The following ZNF250 variants were observed in gnomAD, a reference collection of about 807,000 sequenced individuals.
ZNF250 encodes the protein zinc finger protein (clone 647).
ZNF250 carries 13 observed loss-of-function variants against 37.1 expected under a neutral mutation model. The ratio of observed to expected loss-of-function variants is 0.35; its 90% CI spans 0.23 to 0.56. The LOEUF (loss-of-function observed/expected upper bound fraction) is 0.56, where lower values mean the gene tolerates loss of function less well. Ranked by LOEUF, ZNF250 falls within the 20% of genes least tolerant of loss-of-function variation. The pLI is 0.87. For missense variants in ZNF250, 474 were observed against 697.9 expected (o/e 0.68, Z 3.61); for synonymous variants, 251 against 265.6 (o/e 0.94, Z 0.54).
In ZNF250 at chr8:144,890,102, G is replaced by A. The variant is rs532947091; in HGVS notation, c.43-43C>T. 6 of 1,598,892 alleles carry A rather than the reference G, an allele frequency of 3.8e-6. No individual in the cohort carries two copies. Among genetic ancestry groups the A allele is most frequent in the South Asian group, 1.1e-5 (1 of 88,790 alleles). Reference sequence around the variant, plus strand: ...GCTGCAGGTAAAACCAAATCCTGATGTCTGTGATGGGGAGTGGGTGCATGT... The same window carrying A: ...GCTGCAGGTAAAACCAAATCCTGATATCTGTGATGGGGAGTGGGTGCATGT... On this transcript the variant is annotated intron_variant, in intron 2 of 5. Transcript: ENST00000417550. This position sits in a 1 kb window ranked among gnomAD's most constrained non-coding sequence, Gnocchi z 5.1.
At chr8:144,892,612 C>T (rs141843265) in intron 1 of ZNF250, among the ~76,000 whole-genome samples, 4 of 151,568 alleles carry the variant, frequency 2.6e-5, no homozygotes, top group African/African-American at 9.7e-5. Context: ...TGGAATGCAA[C>T]GGCGAGATCT....
intron 5 of ZNF250, among the ~76,000 whole-genome samples, chr8:144,883,795 G>T (rs1418240410): frequency 6.6e-6 from 1 of 152,176 alleles, no homozygotes; most frequent in Non-Finnish European, 1.5e-5. Context: ...GGGAAAGGCA[G>T]GGGTGGAGAC....
chr8:144,889,787 G>T, intron 3 of ZNF250, 93 bp from the exon 4 acceptor site: 1 of 1,464,904 alleles, frequency 6.8e-7, no homozygotes, highest in Non-Finnish European at 9.2e-7. Flanking sequence ...AAATGGACAG[G>T]ACTGATCTTC....
At chr8:144,899,580 G>A (rs1017357158) in intron 1 of ZNF250, among the ~76,000 whole-genome samples, 1 of 152,004 alleles carries the variant, frequency 6.6e-6, no homozygotes, top group Non-Finnish European at 1.5e-5. Flanking sequence ...ATGTGGGAAG[G>A]GCTGTTCTAA....
chr8:144,896,087 T>G (rs1014196353), intron 1 of ZNF250, among the ~76,000 whole-genome samples: 1 of 150,254 alleles, frequency 6.7e-6, no homozygotes, highest in Admixed American at 6.6e-5. Context: ...TGGCTGGGCA[T>G]GGTGACTCAC....
chr8:144,882,676 G>A lies in ZNF250; in HGVS notation c.507C>T (p.His169=). 2 of 1,614,026 alleles carry A rather than the reference G, an allele frequency of 1.2e-6. No homozygotes were observed. The highest frequency in any genetic ancestry group is 1.7e-6 in the Non-Finnish European group (2 of 1,179,898). ...SFCLSPNSVD[H]REVQVLSQSM... ...TTTGGCTTAAGACCTGAACTTCACG[G>A]TGGTCAACAGAGTTTGGACTCAGAC... Residue 169 remains histidine, a synonymous_variant, in exon 6 of 6, where the codon CAC becomes CAT. Transcript: ENST00000417550. This position sits in a 1 kb window ranked among gnomAD's most constrained non-coding sequence, Gnocchi z 5.5.
At chr8:144,889,118 A>T (rs1167647315) in intron 4 of ZNF250, among the ~76,000 whole-genome samples, 1 of 152,240 alleles carries the variant, frequency 6.6e-6, no homozygotes, top group Non-Finnish European at 1.5e-5. Flanking sequence ...TTATATGGAC[A>T]TGGGGATGGC....
rs779183500 is a variant in ZNF250, at chr8:144,886,882, T to C, written c.304A>G (p.Thr102Ala). The C allele has an allele frequency of 2.0e-5, 33 of 1,613,650 alleles. No homozygotes were observed. The highest frequency in any genetic ancestry group is 2.8e-5 in the Non-Finnish European group (33 of 1,179,694). Residue 102 changes from threonine (T) to alanine (A), a missense_variant, in exon 5 of 6, where the codon ACT becomes GCT. Thr to Ala is a moderately conservative substitution (Grantham distance 58). Around this residue, in one of 2 missense-constraint regions of ZNF250, gnomAD observed 192 missense variants for 227.5 expected, o/e 0.84. Transcript: ENST00000417550. ...DYSDNLKYDH[T>A]TACTQQDSLS... ...CTGTCTTGTTGTGTACAGGCTGTAG[T>C]GTGGTCATATTTGAGGTTGTCTGGA... is the stretch of plus-strand genomic sequence containing the variant.
At chr8:144,888,228 CT>C (rs1344121924) in intron 4 of ZNF250, among the ~76,000 whole-genome samples, 2 of 152,154 alleles carry the variant, frequency 1.3e-5, no homozygotes, top group Non-Finnish European at 2.9e-5. Flanking sequence ...TTCTTGGATG[CT>C]TTATATTCCT....
Position 144,890,547 on chromosome 8 carries a change from T to C in ZNF250, c.-54-144A>G, listed in dbSNP as rs1021145814. The C allele has an allele frequency of 3.6e-5, 17 of 472,214 alleles. No individual in the cohort carries two copies. The highest frequency in any genetic ancestry group is 2.2e-4 in the Admixed American group (6 of 27,450). 29.3% of individuals were successfully genotyped at this position (472,214 alleles called of 1,614,324 possible). ...GCAAGGAGCTGCTACTGTTGCAGCC[T>C]TGGTCTGCCTTGCCTCCCCCATGAA... On this transcript the variant is annotated intron_variant, in intron 1 of 5. Coordinates refer to ENST00000417550, the MANE Select transcript of ZNF250 (RefSeq NM_001109689.4). This position sits in a 1 kb window ranked among gnomAD's most constrained non-coding sequence, Gnocchi z 5.1.
chr8:144,896,316 C>A (rs1832717890), intron 1 of ZNF250, among the ~76,000 whole-genome samples: 1 of 151,870 alleles, frequency 6.6e-6, no homozygotes, highest in Non-Finnish European at 1.5e-5. Flanking sequence ...CACTACACTC[C>A]ACCCTGGGCA....
chr8:144,895,893 CA>C (rs1202332142), intron 1 of ZNF250, among the ~76,000 whole-genome samples: 1 of 151,262 alleles, frequency 6.6e-6, no homozygotes, highest in Non-Finnish European at 1.5e-5. Flanking sequence ...CCTGTAATCC[CA>C]GCTACTCAGG....
chr8:144,895,390 G>C (rs1395995181), intron 1 of ZNF250, among the ~76,000 whole-genome samples: 2 of 152,150 alleles, frequency 1.3e-5, no homozygotes, highest in East Asian at 3.9e-4. Flanking sequence ...TGGTTCACCT[G>C]CCTCACTTGG....
At chr8:144,887,038 G>C (rs1481808499) in intron 4 of ZNF250, 136 bp from the exon 5 acceptor site, 2 of 691,448 alleles carry the variant, frequency 2.9e-6, no homozygotes, top group Non-Finnish European at 5.2e-6. Flanking sequence ...CTTGAGGTCA[G>C]AAGTTTGAGA....
rs1180273654 is a variant in ZNF250 at position 144,878,812 on chromosome 8, G to T, written c.*2703C>A. On this transcript the variant is annotated 3_prime_UTR_variant, in exon 6 of 6. Coordinates refer to ENST00000417550, the MANE Select transcript of ZNF250 (RefSeq NM_001109689.4). ...TTACCTCAATGATCTAATCTCTAAA[G>T]TAATACCTTAGTGATCCCATTTCCG... 6.6e-6 allele frequency: 1 copy of T among 152,154 alleles called. No individual in the cohort carries two copies. The highest frequency in any genetic ancestry group is 2.4e-5 in the African/African-American group (1 of 41,424). 9.4% of individuals were successfully genotyped at this position (152,154 alleles called of 1,614,324 possible).
In ZNF250 at chr8:144,882,931, A is replaced by G; in HGVS notation, c.347-95T>C. 1.4e-6 allele frequency: 2 copies of G among 1,385,808 alleles called. No homozygotes were observed. Among genetic ancestry groups the G allele is most frequent in the Non-Finnish European group, 2.0e-6 (2 of 1,012,606 alleles). The allele number at this position is 1,385,808 out of a possible 1,614,324, so 85.8% of individuals were successfully genotyped here. On this transcript the variant is annotated intron_variant, in intron 5 of 5. Coordinates refer to ENST00000417550, the MANE Select transcript of ZNF250 (RefSeq NM_001109689.4). This position sits in a 1 kb window ranked among gnomAD's most constrained non-coding sequence, Gnocchi z 5.5. Reference sequence around the variant, plus strand: ...CTGGCCTTGCTGATGAAGGTGCAAAATCCCTCAATGCACACGTTGGTGTGA... The same window carrying G: ...CTGGCCTTGCTGATGAAGGTGCAAAGTCCCTCAATGCACACGTTGGTGTGA...
Position 144,890,200 on chromosome 8 carries a change from T to A in ZNF250, c.42+108A>T, listed in dbSNP as rs1247668648. On this transcript the variant is annotated intron_variant, in intron 2 of 5. Coordinates refer to ENST00000417550, the MANE Select transcript of ZNF250 (RefSeq NM_001109689.4). This position sits in a 1 kb window ranked among gnomAD's most constrained non-coding sequence, Gnocchi z 5.1. ...TGGGTGATGGGAAGGGGCCGCGGAG[T>A]TCAGGGCATGTGGTGACGCTCTGGC... The A allele has an allele frequency of 6.7e-7, 1 of 1,497,236 alleles. No homozygotes were observed. The highest frequency in any genetic ancestry group is 2.4e-5 in the East Asian group (1 of 40,934). The allele number at this position is 1,497,236 out of a possible 1,614,324, so 92.7% of individuals were successfully genotyped here. A position where few individuals can be genotyped will look rare whatever the true frequency, so the allele number is the denominator to read the frequency against.
rs1010889396 is a variant in ZNF250, at chr8:144,877,072, T to C, written c.*4443A>G. The C allele has an allele frequency of 7.2e-5, 11 of 152,252 alleles. No homozygotes were observed. Among genetic ancestry groups the C allele is most frequent in the Admixed American group, 2.6e-4 (4 of 15,288 alleles). The allele number at this position is 152,252 out of a possible 1,614,324, so 9.4% of individuals were successfully genotyped here. On this transcript the variant is annotated 3_prime_UTR_variant, in exon 6 of 6. Coordinates refer to ENST00000417550, the MANE Select transcript of ZNF250 (RefSeq NM_001109689.4). Reference sequence around the variant, plus strand: ...AGAGAACCAAGTTTCAAATTCTTAATAGCTGTTAGAAGAAACAATTTTAAA... The same window carrying C: ...AGAGAACCAAGTTTCAAATTCTTAACAGCTGTTAGAAGAAACAATTTTAAA...
chr8:144,882,264 C>T lies in ZNF250; in HGVS notation c.919G>A (p.Val307Met). Residue 307 changes from valine to methionine, a missense_variant, in exon 6 of 6, where the codon GTG (valine) becomes ATG (methionine). Physicochemically the swap from Val to Met is conservative, Grantham distance 21. This residue lies in a region of ZNF250 where 282 missense variants were observed against 470.4 expected (regional missense o/e 0.60). Coordinates refer to ENST00000417550, the MANE Select transcript of ZNF250 (RefSeq NM_001109689.4). The surrounding 1 kb of genome is among the most constrained non-coding windows in gnomAD (Gnocchi z 5.5). ...QRIHTGERPY[V>M]CPLCGKAFNH... is the part of the protein sequence containing the mutation. ...AAGGCTTTCCCACACAACGGACACA[C>T]ATATGGCCTTTCTCCCGTGTGGATC... The T allele has an allele frequency of 6.2e-7, 1 of 1,614,040 alleles. No individual in the cohort carries two copies. Among genetic ancestry groups the T allele is most frequent in the Non-Finnish European group, 8.5e-7 (1 of 1,179,944 alleles).
Sources: allele counts gnomAD v4.1 joint callset (sites outside exome capture counted in the v4.1 genomes callset), GRCh38; gene constraint gnomAD v4.1.1; regional missense constraint gnomAD v4.1.1; non-coding constraint Gnocchi (gnomAD v3.1); transcripts MANE v1.5; gene names NCBI Gene and HGNC (gene_info 2026-07-23, HGNC 2026-07-21).